Variants in CYTH3 observed in about 807,000 individuals in gnomAD.
CYTH3 encodes the protein cytohesin 3.
In CYTH3, 23 loss-of-function variants were observed where a neutral mutation model predicts 55.1. That is an observed-to-expected ratio of 0.42 (90% CI 0.30 to 0.59). CYTH3 has a LOEUF of 0.59. CYTH3 is among the 20% of genes least tolerant of loss of function. The pLI, the probability that CYTH3 is intolerant of heterozygous loss-of-function variation, is 0.20. For missense variants in CYTH3, 413 were observed against 524.8 expected (o/e 0.79, Z 2.08); for synonymous variants, 249 against 194.9 (o/e 1.28, Z -2.31).
rs761696611 is a variant in CYTH3, at chr7:6,164,851, A to G, written c.*93T>C. 1 of 1,385,070 alleles carries G rather than the reference A, an allele frequency of 7.2e-7. No individual in the cohort carries two copies. The highest frequency in any genetic ancestry group is 1.0e-6 in the Non-Finnish European group (1 of 976,158). 85.8% of individuals were successfully genotyped at this position (1,385,070 alleles called of 1,614,324 possible). On this transcript the variant is annotated 3_prime_UTR_variant, in exon 13 of 13. Coordinates refer to ENST00000350796, the MANE Select transcript of CYTH3 (RefSeq NM_004227.4). Reference sequence around the variant, plus strand: ...GAGCAGCAGCTTGCACCGCAGGGCGACTGCCTCCCTGCCACGCCTTCCGCG... The same window carrying G: ...GAGCAGCAGCTTGCACCGCAGGGCGGCTGCCTCCCTGCCACGCCTTCCGCG...
intron 5 of CYTH3, among the ~76,000 whole-genome samples, chr7:6,174,929 T>C (rs1783305556): frequency 6.6e-6 from 1 of 152,196 alleles, no homozygotes; most frequent in African/African-American, 2.4e-5. Flanking sequence ...GTGTAACGTC[T>C]ATTCAGATCC....
intron 1 of CYTH3, among the ~76,000 whole-genome samples, chr7:6,269,265 A>G (rs1304410150): frequency 6.6e-6 from 1 of 152,188 alleles, no homozygotes; most frequent in Non-Finnish European, 1.5e-5. Flanking sequence ...TAAATGTTTG[A>G]AACGACCTTG....
intron 1 of CYTH3, among the ~76,000 whole-genome samples, chr7:6,229,191 C>T (rs1047550481): frequency 1.3e-5 from 2 of 152,204 alleles, no homozygotes; most frequent in African/African-American, 4.8e-5. Context: ...CCAGCCTCTC[C>T]TTACTTGCTT....
chr7:6,187,246 C>T, intron 3 of CYTH3, 130 bp from the exon 4 acceptor site: 2 of 889,904 alleles, frequency 2.2e-6, no homozygotes, highest in Admixed American at 2.1e-5. Context: ...CACGGAGGGG[C>T]CCCCAGTCTC....
At chr7:6,223,933 C>T (rs1316201014) in intron 1 of CYTH3, among the ~76,000 whole-genome samples, 3 of 148,698 alleles carry the variant, frequency 2.0e-5, no homozygotes, top group African/African-American at 7.5e-5. Context: ...TACACAACTA[C>T]AGCAGTCAAA....
rs149940096 is a variant in CYTH3, at chr7:6,172,635, A to C, written c.449+1018T>G. The C allele has an allele frequency of 2.2e-4, 198 of 908,060 alleles. No individual in the cohort carries two copies. In the African/African-American group the frequency reaches 3.5e-3, roughly 16 times the overall value. The allele number at this position is 908,060 out of a possible 1,614,324, so 56.3% of individuals were successfully genotyped here. ...CCAGGCTCCCACGGCTGTGGGAATT[A>C]ATAGGAACCTCTCCGGCTCTCGCCA... On this transcript the variant is annotated intron_variant, in intron 6 of 12. Coordinates refer to ENST00000350796, the MANE Select transcript of CYTH3 (RefSeq NM_004227.4).
intron 4 of CYTH3, among the ~76,000 whole-genome samples, chr7:6,181,381 G>A (rs1783498696): frequency 6.6e-6 from 1 of 152,136 alleles, no homozygotes; most frequent in African/African-American, 2.4e-5. Context: ...ACCTTCTCTT[G>A]TGAGTGACAG....
chr7:6,166,846 TG>T (rs1232809439), intron 9 of CYTH3, among the ~76,000 whole-genome samples: 1 of 152,130 alleles, frequency 6.6e-6, no homozygotes, highest in Admixed American at 6.5e-5. Flanking sequence ...ACCGCCAGCC[TG>T]GAACAGGAGC....
At chr7:6,245,845 A>C (rs1016427991) in intron 1 of CYTH3, among the ~76,000 whole-genome samples, 1 of 152,204 alleles carries the variant, frequency 6.6e-6, no homozygotes, top group Non-Finnish European at 1.5e-5. Context: ...TCAAGGTTGC[A>C]ATGAGCCGAG....
intron 1 of CYTH3, among the ~76,000 whole-genome samples, chr7:6,271,827 C>T (rs1483964683): frequency 5.9e-5 from 9 of 152,184 alleles, no homozygotes; most frequent in Admixed American, 3.3e-4. Flanking sequence ...CCACCCTCGG[C>T]TCCACGGAGT....
At chr7:6,189,880 C>CA (rs1783753401) in intron 2 of CYTH3, among the ~76,000 whole-genome samples, 1 of 151,770 alleles carries the variant, frequency 6.6e-6, no homozygotes, top group Admixed American at 6.6e-5. Context: ...ACTAAAAATA[C>CA]AAAAAATTAG....
chr7:6,222,665 T>A (rs1784578207), intron 1 of CYTH3, among the ~76,000 whole-genome samples: 1 of 150,032 alleles, frequency 6.7e-6, no homozygotes, highest in South Asian at 2.1e-4. Flanking sequence ...GAGAATGGCA[T>A]GAACCAGGGA....
intron 1 of CYTH3, among the ~76,000 whole-genome samples, chr7:6,237,723 A>C (rs1012803861): frequency 2.6e-5 from 4 of 152,210 alleles, no homozygotes; most frequent in Non-Finnish European, 4.4e-5. Flanking sequence ...ATAACAACAA[A>C]AAAAAACCAC....
At chr7:6,209,672 A>G (rs1784281161) in intron 1 of CYTH3, among the ~76,000 whole-genome samples, 1 of 152,238 alleles carries the variant, frequency 6.6e-6, no homozygotes, top group Non-Finnish European at 1.5e-5. Context: ...AAATATTTAT[A>G]GCAGCTTTAT....
intron 10 of CYTH3, 47 bp from the exon 11 acceptor site, chr7:6,165,663 T>G (rs746541589): frequency 3.5e-5 from 56 of 1,612,744 alleles, no homozygotes; most frequent in Non-Finnish European, 4.3e-5. Context: ...GTCACCAGCC[T>G]GAGGGTCCCT....
intron 1 of CYTH3, among the ~76,000 whole-genome samples, chr7:6,227,350 T>TAA (rs374753249): frequency 1.3e-5 from 2 of 148,840 alleles, no homozygotes; most frequent in African/African-American, 2.5e-5. Flanking sequence ...GCAAATGGTT[T>TAA]AAAAAAAAAA....
intron 1 of CYTH3, among the ~76,000 whole-genome samples, chr7:6,259,807 A>G (rs1583204635): frequency 3.8e-5 from 1 of 26,190 alleles, no homozygotes; most frequent in South Asian, 1.1e-3. Flanking sequence ...ATATATATAT[A>G]TATATAATAT....
chr7:6,184,054 T>TTA (rs1783574597), intron 4 of CYTH3, among the ~76,000 whole-genome samples: 1 of 123,636 alleles, frequency 8.1e-6, no homozygotes, highest in Admixed American at 8.0e-5. Flanking sequence ...TGTGGCTTTT[T>TTA]TTTTTTTTTT....
chr7:6,236,149 C>CA (rs998737832), intron 1 of CYTH3, among the ~76,000 whole-genome samples: 3 of 152,122 alleles, frequency 2.0e-5, no homozygotes, highest in Admixed American at 1.3e-4. Flanking sequence ...CATGCAGACA[C>CA]AGACAAGGGT....
Sources: gnomAD v4.1 joint callset for allele counts (sites outside exome capture counted in the v4.1 genomes callset) on GRCh38, gnomAD v4.1.1 for gene constraint, MANE v1.5 for transcripts, NCBI Gene and HGNC (gene_info 2026-07-23, HGNC 2026-07-21) for gene names.